XDH: variants seen among roughly 807,000 people sequenced by gnomAD.
The protein encoded by XDH is xanthine dehydrogenase, also known as xanthine dehydrogenase/oxidase.
In XDH, 138 loss-of-function variants were observed where a neutral mutation model predicts 156.1. The observed-to-expected ratio is 0.88, with a 90% CI of 0.77 to 1.02. The LOEUF (loss-of-function observed/expected upper bound fraction) is 1.02, where lower values mean the gene tolerates loss of function less well. Ranked by LOEUF, XDH falls within the 50% of genes least tolerant of loss-of-function variation. XDH has a pLI of 0.00. For synonymous variants in XDH, 669 were observed against 625.7 expected (o/e 1.07, Z -1.03); for missense variants, 1,849 against 1,684.9 (o/e 1.10, Z -1.71).
chr2:31,349,487 C>T (rs1022953825), intron 26 of XDH, among the ~76,000 whole-genome samples, 199 bp downstream of exon 26: 1 of 152,158 alleles, frequency 6.6e-6, no homozygotes, highest in Non-Finnish European at 1.5e-5. Flanking sequence ...GGCTATGACA[C>T]CGATTGCAGG....
chr2:31,371,064 C>T (rs1686058120), intron 17 of XDH, among the ~76,000 whole-genome samples: 1 of 152,206 alleles, frequency 6.6e-6, no homozygotes, highest in Non-Finnish European at 1.5e-5. Flanking sequence ...CTGGATTTGT[C>T]TCCCCACATT....
At chr2:31,342,075 G>C (rs916534138) in intron 32 of XDH, 108 bp downstream of exon 32, 8 of 999,022 alleles carry the variant, frequency 8.0e-6, no homozygotes, top group African/African-American at 8.0e-5. Flanking sequence ...TTAATGGAAG[G>C]CATTATTTTT....
intron 18 of XDH, 51 bp from the exon 19 acceptor site, chr2:31,368,711 C>G (rs778352076): frequency 1.2e-6 from 2 of 1,613,982 alleles, no homozygotes; most frequent in African/African-American, 2.7e-5. Flanking sequence ...CATGGTGAAA[C>G]AAATTATTTT....
chr2:31,342,397 A>G, intron 31 of XDH, 100 bp from the exon 32 acceptor site: 2 of 1,056,804 alleles, frequency 1.9e-6, no homozygotes, highest in East Asian at 2.5e-5. Context: ...AAACCCCACA[A>G]GTTTTTGCAT....
In XDH at chr2:31,389,219, C is replaced by T. The variant is rs543915031; in HGVS notation, c.496-924G>A. Reference sequence around the variant, plus strand: ...GACACCATGCCATGCTGGCATTTTCCAGAGTCTGTTTCACAACTCGTTGTC... The same window carrying T: ...GACACCATGCCATGCTGGCATTTTCTAGAGTCTGTTTCACAACTCGTTGTC... On this transcript the variant is annotated intron_variant, in intron 6 of 35. Transcript: ENST00000379416. 2.0e-5 allele frequency among the ~76,000 whole-genome samples: 3 copies of T among 152,364 alleles called. No individual in the cohort carries two copies. The East Asian group carries it at 5.8e-4, about 29-fold the overall frequency.
At chr2:31,413,628 T>G (rs1687398059) in intron 1 of XDH, among the ~76,000 whole-genome samples, 1 of 152,126 alleles carries the variant, frequency 6.6e-6, no homozygotes. Context: ...CACTCAAAAT[T>G]ACATCAAAAG....
chr2:31,401,957 C>G (rs1396208349), intron 3 of XDH, among the ~76,000 whole-genome samples: 1 of 152,186 alleles, frequency 6.6e-6, no homozygotes, highest in African/African-American at 2.4e-5. Context: ...AAGATGAAAG[C>G]TCTGCCCTTC....
Position 31,400,383 on chromosome 2 carries a change from C to T in XDH, c.306+837G>A, listed in dbSNP as rs964171887. On this transcript the variant is annotated intron_variant, in intron 4 of 35. Transcript: ENST00000379416. ...CCTCCTGAGTATCTGGGACTACAGG[C>T]GCCCGCCACTCCGCCTGGCTAATTT... 1.4e-3 allele frequency among the ~76,000 whole-genome samples: 214 copies of T among 151,742 alleles called. 3 individuals are homozygous for T. Among genetic ancestry groups the T allele is most frequent in the Non-Finnish European group, 2.2e-3 (147 of 67,784 alleles).
chr2:31,385,454 G>A (rs1047729538), intron 9 of XDH, among the ~76,000 whole-genome samples: 5 of 152,162 alleles, frequency 3.3e-5, no homozygotes, highest in African/African-American at 1.2e-4. Flanking sequence ...CCTCTCTGTG[G>A]CTGAGGAGCC....
chr2:31,395,501 C>G (rs1340295613), intron 6 of XDH, among the ~76,000 whole-genome samples: 1 of 152,102 alleles, frequency 6.6e-6, no homozygotes, highest in African/African-American at 2.4e-5. Flanking sequence ...TTCATTTTTC[C>G]CACTCCCTAC....
intron 1 of XDH, among the ~76,000 whole-genome samples, chr2:31,411,965 G>GAGTA (rs1340513321): frequency 6.6e-6 from 1 of 151,826 alleles, no homozygotes; most frequent in East Asian, 1.9e-4. Flanking sequence ...GTAAGTGAGT[G>GAGTA]AGTGAGTGAG....
At chr2:31,370,978 C>G (rs1389958399) in intron 17 of XDH, among the ~76,000 whole-genome samples, 1 of 152,218 alleles carries the variant, frequency 6.6e-6, no homozygotes, top group Non-Finnish European at 1.5e-5. Context: ...ACACATCACA[C>G]CTAACTCCCT....
chr2:31,378,853 T>TAA (rs3216622), intron 13 of XDH, among the ~76,000 whole-genome samples: 43 of 148,558 alleles, frequency 2.9e-4, no homozygotes, highest in Admixed American at 1.3e-3. Context: ...CACTCATAAT[T>TAA]AAAAAAAAAA....
intron 9 of XDH, chr2:31,384,141 T>TGC (rs1686518638): frequency 2.6e-6 from 1 of 390,390 alleles, no homozygotes. Context: ...TGTGTGTGTG[T>TGC]GTGTGTGTGT....
chr2:31,388,901 A>C (rs1380367056), intron 6 of XDH, among the ~76,000 whole-genome samples: 1 of 152,198 alleles, frequency 6.6e-6, no homozygotes, highest in Non-Finnish European at 1.5e-5. Flanking sequence ...TGCAGGTCAG[A>C]CCACCCAGCA....
chr2:31,388,190 T>C (rs1686666297), intron 7 of XDH, 37 bp downstream of exon 7: 1 of 1,604,682 alleles, frequency 6.2e-7, no homozygotes, highest in Non-Finnish European at 8.5e-7. Context: ...AGTCTCAGAT[T>C]ACCCCCAGGC....
Position 31,346,784 on chromosome 2 carries a change from G to A in XDH, c.3336C>T (p.Gly1112=). The change falls in exon 30 of 36, where the codon GGC becomes GGT. Residue 1112 remains glycine, a synonymous_variant. Coordinates refer to ENST00000379416, the MANE Select transcript of XDH (RefSeq NM_000379.4). ...LEPYKKKNPS[G]SWEDWVTAAY... is the part of the protein sequence containing the mutation. ...TCAGACTTACCCAGTCTTCCCAGGA[G>A]CCACTGGGATTCTTCTTCTTGTAGG... The A allele has an allele frequency of 6.2e-7, 1 of 1,614,166 alleles. No homozygotes were observed. Among genetic ancestry groups the A allele is most frequent in the Non-Finnish European group, 8.5e-7 (1 of 1,180,042 alleles).
chr2:31,365,673 G>A, intron 22 of XDH, 129 bp from the exon 23 acceptor site: 2 of 1,161,404 alleles, frequency 1.7e-6, no homozygotes, highest in East Asian at 2.4e-5. Flanking sequence ...GTACAGGGCT[G>A]CTTTGCCATC....
At position 31,364,335 on chromosome 2, in the gene XDH, C is replaced by T. The variant is rs898813816; in HGVS notation, c.2545-91G>A. The stretch of plus-strand genomic sequence containing the variant: ...CTGATCCTCCCTCCCACTTATGTCA[C>T]CTGGAGGAAATAAACAGAACACCAC... On this transcript the variant is annotated intron_variant, in intron 23 of 35. Transcript: ENST00000379416. The T allele has an allele frequency of 8.1e-5, 104 of 1,286,686 alleles. No homozygotes were observed. In the African/African-American group the frequency reaches 1.4e-3, roughly 17 times the overall value. The allele number at this position is 1,286,686 out of a possible 1,614,324, so 79.7% of individuals were successfully genotyped here.
Sources: allele counts gnomAD v4.1 joint callset (sites outside exome capture counted in the v4.1 genomes callset), GRCh38; gene constraint gnomAD v4.1.1; transcripts MANE v1.5; gene names NCBI Gene and HGNC (gene_info 2026-07-23, HGNC 2026-07-21).